SV2B: variants seen among roughly 807,000 people sequenced by gnomAD.
SV2B encodes synaptic vesicle glycoprotein 2B.
A neutral mutation model predicts 73.9 loss-of-function variants in SV2B; 41 were observed. The observed-to-expected ratio is 0.56, with a 90% confidence interval of 0.43 to 0.72. The LOEUF is 0.72. SV2B is among the 30% of genes least tolerant of loss of function. The probability of loss-of-function intolerance (pLI) is 0.00; values close to 1 mark genes in which losing one functional copy is unlikely to be tolerated. For synonymous variants in SV2B, 314 were observed against 314.2 expected, an observed-to-expected ratio of 1.00 and a Z score of 0.01; for missense variants, 764 against 857.8, an observed-to-expected ratio of 0.89 and a Z score of 1.37.
In SV2B at chr15:91,289,813, A is replaced by T; in HGVS notation, c.1868+133A>T. ...CTGTTCCGTGAAACAAACATCTTTT[A>T]TGTTGAGCTTCTCCTGCATGGTGGA... On this transcript the variant is annotated intron_variant, in intron 12 of 12. Transcript: ENST00000394232. This position sits in a 1 kb window ranked among gnomAD's most constrained non-coding sequence, Gnocchi z 4.9. The T allele has an allele frequency of 9.5e-7, 1 of 1,049,424 alleles. No individual in the cohort carries two copies. The highest frequency in any genetic ancestry group is 1.7e-5 in the South Asian group (1 of 58,098). The allele number at this position is 1,049,424 out of a possible 1,614,324, so 65.0% of individuals were successfully genotyped here. A position where few individuals can be genotyped will look rare whatever the true frequency, so the allele number is the denominator to read the frequency against.
chr15:91,283,987 C>T lies in SV2B; in HGVS notation c.1508-34C>T. On this transcript the variant is annotated intron_variant, in intron 10 of 12. Transcript: ENST00000394232. This position sits in a 1 kb window ranked among gnomAD's most constrained non-coding sequence, Gnocchi z 4.3. ...CCTTTCTCTCTCCAGCTCCCTTCCACTTACATGAACCGAAGGTTTCCTTCT... is the reference window on the plus strand; with the variant it reads ...CCTTTCTCTCTCCAGCTCCCTTCCATTTACATGAACCGAAGGTTTCCTTCT... 1 of 1,611,128 alleles carries T rather than the reference C, an allele frequency of 6.2e-7. No individual in the cohort carries two copies. The highest frequency in any genetic ancestry group is 1.1e-5 in the South Asian group (1 of 90,950).
intron 1 of SV2B, among the ~76,000 whole-genome samples, chr15:91,160,654 C>T (rs928058331): frequency 3.7e-4 from 56 of 151,984 alleles, no homozygotes; most frequent in African/African-American, 1.3e-3. Flanking sequence ...AGCATAAAAC[C>T]ACTATGATGA....
At chr15:91,179,343 G>A (rs2044455723) in intron 1 of SV2B, among the ~76,000 whole-genome samples, 2 of 152,260 alleles carry the variant, frequency 1.3e-5, no homozygotes, top group Admixed American at 6.5e-5. Context: ...TAGGTGTGGT[G>A]TGGTGCTGAA....
intron 11 of SV2B, among the ~76,000 whole-genome samples, chr15:91,285,798 A>T (rs2048841286): frequency 6.6e-6 from 1 of 152,046 alleles, no homozygotes; most frequent in African/African-American, 2.4e-5. Context: ...GCAGGGTTAT[A>T]AGGCTGGGGT....
At chr15:91,199,646 G>T (rs2045390189) in intron 1 of SV2B, among the ~76,000 whole-genome samples, 1 of 152,228 alleles carries the variant, frequency 6.6e-6, no homozygotes, top group South Asian at 2.1e-4. Flanking sequence ...CGTTGAAGCA[G>T]AATCACAGGT....
chr15:91,251,139 T>C (rs1300387901), intron 2 of SV2B, among the ~76,000 whole-genome samples: 1 of 152,128 alleles, frequency 6.6e-6, no homozygotes, highest in Non-Finnish European at 1.5e-5. Flanking sequence ...AGCTTAGAAA[T>C]AAATTCACAC....
rs530494034 is a variant in SV2B, at chr15:91,116,306, A to G, written c.-392+15943A>G. On this transcript the variant is annotated intron_variant, in intron 1 of 12. Coordinates refer to ENST00000394232, the MANE Select transcript of SV2B (RefSeq NM_001323032.3). ...TGCTTCTGTTTGCAGGCTGTGAATG[A>G]GGACTGGCACCCCTGGCTGCTTTGC... Among the ~76,000 whole-genome samples, 11 of 152,240 alleles carry G rather than the reference A, an allele frequency of 7.2e-5. No homozygotes were observed. The South Asian group carries it at 2.3e-3, about 32-fold the overall frequency.
In SV2B at chr15:91,229,234, G is replaced by A. The variant is rs1440164853; in HGVS notation, c.451+2520G>A. Among the ~76,000 whole-genome samples, 1 of 152,040 alleles carries A rather than the reference G, an allele frequency of 6.6e-6. No homozygotes were observed. The highest frequency in any genetic ancestry group is 1.9e-4 in the East Asian group (1 of 5,180). On this transcript the variant is annotated intron_variant, in intron 2 of 12. Transcript: ENST00000394232. This position sits in a 1 kb window ranked among gnomAD's most constrained non-coding sequence, Gnocchi z 4.3. ...TGGGCACTGGAGTCCAACCTCTAGGGTTTGGCGACTGGGTACGTCCTACAT... is the reference window on the plus strand; with the variant it reads ...TGGGCACTGGAGTCCAACCTCTAGGATTTGGCGACTGGGTACGTCCTACAT...
chr15:91,206,648 A>G (rs748819061), intron 1 of SV2B, among the ~76,000 whole-genome samples: 28 of 152,108 alleles, frequency 1.8e-4, no homozygotes, highest in Non-Finnish European at 3.8e-4. Context: ...AATGTTTTGA[A>G]TGAGTGGGGT....
Position 91,252,628 on chromosome 15 carries a change from G to C in SV2B, c.784+108G>C, listed in dbSNP as rs541283883. On this transcript the variant is annotated intron_variant, in intron 4 of 12. Transcript: ENST00000394232. This position sits in a 1 kb window ranked among gnomAD's most constrained non-coding sequence, Gnocchi z 4.6. ...TTCCATGTACTCACGCACAGTTCCC[G>C]TACGTGACCTTGATCTTTCTTAACA... The C allele has an allele frequency of 4.2e-6, 5 of 1,201,624 alleles. No individual in the cohort carries two copies. The African/African-American group carries it at 7.8e-5, about 19-fold the overall frequency. 74.4% of individuals were successfully genotyped at this position (1,201,624 alleles called of 1,614,324 possible).
At chr15:91,156,357 G>A (rs1224120092) in intron 1 of SV2B, among the ~76,000 whole-genome samples, 3 of 152,140 alleles carry the variant, frequency 2.0e-5, no homozygotes, top group Admixed American at 6.5e-5. Flanking sequence ...TGATGAACAC[G>A]TGCACCTCAA....
intron 9 of SV2B, among the ~76,000 whole-genome samples, chr15:91,278,857 G>T (rs960661587): frequency 6.6e-6 from 1 of 151,954 alleles, no homozygotes; most frequent in Non-Finnish European, 1.5e-5. Flanking sequence ...CGGGGTGCCT[G>T]TTCTTAAGAA....
At position 91,289,428 on chromosome 15, in the gene SV2B, G is replaced by C. The variant is rs143543293; in HGVS notation, c.1709-93G>C. ...GGCAGCCTTGGCTTCAGGTGTACCA[G>C]TGAGGGTGGGAGATGGGGCAAGAAC... On this transcript the variant is annotated intron_variant, in intron 11 of 12. Transcript: ENST00000394232. The surrounding 1 kb of genome is among the most constrained non-coding windows in gnomAD (Gnocchi z 4.9). 1.6e-5 allele frequency: 24 copies of C among 1,524,444 alleles called. No individual in the cohort carries two copies. In the Admixed American group the frequency reaches 3.9e-4, roughly 25 times the overall value. The allele number at this position is 1,524,444 out of a possible 1,614,324, so 94.4% of individuals were successfully genotyped here. A position where few individuals can be genotyped will look rare whatever the true frequency, so the allele number is the denominator to read the frequency against.
At position 91,300,251 on chromosome 15, in the gene SV2B, T is replaced by A. The variant is rs2049398571; in HGVS notation, c.*7699T>A. On this transcript the variant is annotated 3_prime_UTR_variant, in exon 13 of 13. Coordinates refer to ENST00000394232, the MANE Select transcript of SV2B (RefSeq NM_001323032.3). ...AAGGAAGGAGGAATATCTGACTATT[T>A]TTTTTTGTGTGTGAGATTTGGTCTC... is the stretch of plus-strand genomic sequence containing the variant. 1 of 152,190 alleles carries A rather than the reference T, an allele frequency of 6.6e-6. No homozygotes were observed. Among genetic ancestry groups the A allele is most frequent in the Admixed American group, 6.5e-5 (1 of 15,284 alleles). The allele number at this position is 152,190 out of a possible 1,614,324, so 9.4% of individuals were successfully genotyped here.
intron 1 of SV2B, among the ~76,000 whole-genome samples, chr15:91,210,565 G>A (rs536164654): frequency 1.3e-5 from 2 of 152,036 alleles, no homozygotes; most frequent in African/African-American, 4.8e-5. Flanking sequence ...GGTGTGTTGG[G>A]GAATGATCCT....
At chr15:91,203,730 T>G (rs2045540294) in intron 1 of SV2B, among the ~76,000 whole-genome samples, 1 of 152,082 alleles carries the variant, frequency 6.6e-6, no homozygotes, top group Admixed American at 6.5e-5. Flanking sequence ...CAGTGTGAGG[T>G]CTGTCCTAAC....
chr15:91,112,813 G>T (rs2042073836), intron 1 of SV2B, among the ~76,000 whole-genome samples: 1 of 152,060 alleles, frequency 6.6e-6, no homozygotes, highest in African/African-American at 2.4e-5. Flanking sequence ...GTAGCATTTT[G>T]AATTCTATTC....
At chr15:91,237,290 G>A (rs934716466) in intron 2 of SV2B, among the ~76,000 whole-genome samples, 7 of 152,128 alleles carry the variant, frequency 4.6e-5, no homozygotes, top group Non-Finnish European at 7.4e-5. Flanking sequence ...CTGAGGGGCC[G>A]TCCTTTCCAT....
At position 91,132,847 on chromosome 15, in the gene SV2B, G is replaced by GA. The variant is rs541749040; in HGVS notation, c.-392+32494dup. On this transcript the variant is annotated intron_variant, in intron 1 of 12. Transcript: ENST00000394232. The surrounding 1 kb of genome is among the most constrained non-coding windows in gnomAD (Gnocchi z 4.6). ...AGAGTGAGATCCTGTCTCTCAAAAA[G>GA]AAAAAAAAAAGTGAGTTAATGTAGG... is the stretch of plus-strand genomic sequence containing the variant. Among the ~76,000 whole-genome samples the GA allele has an allele frequency of 2.7e-5, 4 of 147,688 alleles. No individual in the cohort carries two copies. The highest frequency in any genetic ancestry group is 6.7e-5 in the Admixed American group (1 of 14,842).
Sources: gnomAD v4.1 joint callset for allele counts (sites outside exome capture counted in the v4.1 genomes callset) on GRCh38, gnomAD v4.1.1 for gene constraint, Gnocchi (gnomAD v3.1) non-coding constraint, MANE v1.5 for transcripts, NCBI Gene and HGNC (gene_info 2026-07-23, HGNC 2026-07-21) for gene names.